The following POF1B variants were observed in gnomAD, a reference collection of about 807,000 sequenced individuals.
The protein encoded by POF1B is protein POF1B.
A neutral mutation model predicts 55.3 loss-of-function variants in POF1B; 53 were observed. The observed-to-expected ratio is 0.96, with a 90% CI of 0.77 to 1.20. The LOEUF (loss-of-function observed/expected upper bound fraction) is 1.20, where lower values mean the gene tolerates loss of function less well. Among genes scored for constraint, POF1B ranks in the 50% most tolerant of loss-of-function variants. The pLI is 0.00. For missense variants in POF1B, 478 were observed against 420.5 expected (o/e 1.14, Z -1.20); for synonymous variants, 188 against 148.3 (o/e 1.27, Z -1.95).
chrX:85,331,077 C>A lies in POF1B; in HGVS notation c.726G>T (p.Val242=), dbSNP rs879091306. The change falls in exon 7 of 17, where the codon GTG becomes GTT. Residue 242 remains valine (V), a splice_region_variant and synonymous_variant. Transcript: ENST00000262753. ...TTTCAGGGCCATCATCCTGAATTAT[C>A]ACCTGAAGCAAACATCAATCACAAT... is the stretch of plus-strand genomic sequence containing the variant. ...HSGSSQICEQ[V]IIQDDGPEKL... 1 of 1,198,053 alleles carries A rather than the reference C, an allele frequency of 8.3e-7. No homozygotes were observed. The highest frequency in any genetic ancestry group is 1.1e-6 in the Non-Finnish European group (1 of 889,896).
chrX:85,357,148 C>A (rs1444778962), intron 4 of POF1B, among the ~76,000 whole-genome samples: 1 of 111,105 alleles, frequency 9.0e-6, no homozygotes. Flanking sequence ...CTCTATTTTC[C>A]TGCACATCTC....
intron 4 of POF1B, among the ~76,000 whole-genome samples, chrX:85,357,419 C>T (rs1933523223): frequency 9.0e-6 from 1 of 110,904 alleles, no homozygotes; most frequent in African/African-American, 3.3e-5. Context: ...TTTCTTTGAC[C>T]AATACCCTTC....
At chrX:85,328,668 G>A (rs1300048628) in intron 7 of POF1B, among the ~76,000 whole-genome samples, 4 of 110,758 alleles carry the variant, frequency 3.6e-5, no homozygotes, top group Admixed American at 9.7e-5. Context: ...TCTGAAGAGC[G>A]TGTTGCTGAG....
Position 85,315,719 on chromosome X carries a change from C to T in POF1B, c.870G>A (p.Glu290=), listed in dbSNP as rs1175948624. 1 of 1,177,307 alleles carries T rather than the reference C, an allele frequency of 8.5e-7. No individual in the cohort carries two copies. Among genetic ancestry groups the T allele is most frequent in the Non-Finnish European group, 1.1e-6 (1 of 880,359 alleles). ...TCTTTGCACTTACCTCATCTGTAGA[C>T]TCAAAGTCCTGTTTGCTGCAAGAAC... ...QRIGGSKQDF[E]STDESEDIES... The change falls in exon 8 of 17, where the codon GAG becomes GAA. Residue 290 remains glutamate (E), a synonymous_variant. Coordinates refer to ENST00000262753, the MANE Select transcript of POF1B (RefSeq NM_024921.4).
chrX:85,319,230 CTTTG>C (rs906959081), intron 7 of POF1B, among the ~76,000 whole-genome samples: 1 of 111,458 alleles, frequency 9.0e-6, no homozygotes, highest in Non-Finnish European at 1.9e-5. Flanking sequence ...TATCCTAAAA[CTTTG>C]TTTAAGTGGT....
At chrX:85,350,190 C>A (rs1253908695) in intron 5 of POF1B, among the ~76,000 whole-genome samples, 3 of 108,443 alleles carry the variant, frequency 2.8e-5, no homozygotes, top group African/African-American at 1.0e-4. Context: ...CCCGTCCCCC[C>A]ACCCCACAAC....
rs761078659 is a variant in POF1B, at chrX:85,303,538, G to C, written c.1567-50C>G. The C allele has an allele frequency of 9.6e-6, 8 of 832,651 alleles. No individual in the cohort carries two copies. In the South Asian group the frequency reaches 1.4e-4, roughly 15 times the overall value. 68.6% of individuals were successfully genotyped at this position (832,651 alleles called of 1,213,427 possible). ...CATTTGATGGAAAGTAGAAACATGAGATAATAAATATATTTAATCATTTAG... is the reference window on the plus strand; with the variant it reads ...CATTTGATGGAAAGTAGAAACATGACATAATAAATATATTTAATCATTTAG... On this transcript the variant is annotated intron_variant, in intron 14 of 16. Coordinates refer to ENST00000262753, the MANE Select transcript of POF1B (RefSeq NM_024921.4).
intron 15 of POF1B, among the ~76,000 whole-genome samples, chrX:85,295,444 G>A (rs779626400): frequency 9.0e-6 from 1 of 111,405 alleles, no homozygotes; most frequent in Non-Finnish European, 1.9e-5. Context: ...TAATTTCAAA[G>A]AAATTATTTT....
chrX:85,281,844 A>G (rs1427376499), intron 16 of POF1B, among the ~76,000 whole-genome samples: 1 of 109,944 alleles, frequency 9.1e-6, no homozygotes, highest in Non-Finnish European at 1.9e-5. Flanking sequence ...ATTGTCTATG[A>G]TATTTGCTAC....
At chrX:85,316,278 C>T (rs957946953) in intron 7 of POF1B, among the ~76,000 whole-genome samples, 1 of 111,542 alleles carries the variant, frequency 9.0e-6, no homozygotes, top group African/African-American at 3.3e-5. Flanking sequence ...ATATTTGAAT[C>T]TTTACATAGG....
chrX:85,350,686 C>T (rs1185349757), intron 5 of POF1B, among the ~76,000 whole-genome samples: 2 of 111,189 alleles, frequency 1.8e-5, no homozygotes, highest in African/African-American at 3.3e-5. Flanking sequence ...ACATCCTGAA[C>T]AGACACTTCT....
intron 7 of POF1B, among the ~76,000 whole-genome samples, chrX:85,323,434 G>A (rs1932861462): frequency 1.9e-5 from 2 of 102,842 alleles, no homozygotes; most frequent in South Asian, 9.7e-4. Context: ...ATCACACTCT[G>A]GGGACTGTTG....
chrX:85,372,772 A>ATATATATATATATATATATATAT (rs1193270205), intron 2 of POF1B, among the ~76,000 whole-genome samples: 14 of 101,474 alleles, frequency 1.4e-4, no homozygotes, highest in African/African-American at 4.7e-4. Flanking sequence ...TATTATATAT[A>ATATATATATATATATATATATAT]CTATATATAT....
At chrX:85,342,320 G>A (rs746206316) in intron 6 of POF1B, among the ~76,000 whole-genome samples, 1 of 111,748 alleles carries the variant, frequency 8.9e-6, no homozygotes, top group South Asian at 3.7e-4. Context: ...TTTGGGGAAA[G>A]TACTTTAAAG....
At chrX:85,354,405 G>T (rs1366298470) in intron 4 of POF1B, among the ~76,000 whole-genome samples, 1 of 110,512 alleles carries the variant, frequency 9.0e-6, no homozygotes, top group Non-Finnish European at 1.9e-5. Context: ...GGAATGATAT[G>T]AACCTTCATC....
intron 16 of POF1B, among the ~76,000 whole-genome samples, chrX:85,279,774 C>A (rs1402311918): frequency 9.0e-6 from 1 of 110,970 alleles, no homozygotes; most frequent in Non-Finnish European, 1.9e-5. Context: ...CTATCAGTAT[C>A]TATAGATTCT....
intron 6 of POF1B, among the ~76,000 whole-genome samples, chrX:85,334,244 G>A (rs185859729): frequency 2.1e-4 from 23 of 110,588 alleles, no homozygotes; most frequent in South Asian, 7.8e-4. Context: ...AATAATGGTA[G>A]CAGTAATGGA....
chrX:85,379,089 T>G, intron 2 of POF1B, 84 bp downstream of exon 2: 1 of 1,052,184 alleles, frequency 9.5e-7, no homozygotes, highest in East Asian at 3.1e-5. Flanking sequence ...TCCTGTGGAA[T>G]AGAGGCAAAG....
chrX:85,378,858 C>A (rs1933963765), intron 2 of POF1B, among the ~76,000 whole-genome samples: 1 of 112,327 alleles, frequency 8.9e-6, no homozygotes, highest in African/African-American at 3.2e-5. Context: ...CTACTGTACT[C>A]AAGTTGAGAA....
Sources: allele counts gnomAD v4.1 joint callset (sites outside exome capture counted in the v4.1 genomes callset), GRCh38; gene constraint gnomAD v4.1.1; transcripts MANE v1.5; gene names NCBI Gene and HGNC (gene_info 2026-07-23, HGNC 2026-07-21).